Variants in FKTN observed in about 807,000 individuals in gnomAD.
FKTN encodes fukutin.
Under a neutral mutation model 58.6 loss-of-function variants are expected in FKTN, and 47 were observed. That is an observed-to-expected ratio of 0.80 (90% CI 0.63 to 1.02). FKTN has a LOEUF of 1.02. Ranked by LOEUF, FKTN falls within the 50% of genes least tolerant of loss-of-function variation. The pLI, the probability that FKTN is intolerant of heterozygous loss-of-function variation, is 0.00. For missense variants in FKTN, 516 were observed against 537.3 expected (o/e 0.96, Z 0.39); for synonymous variants, 178 against 191.9 (o/e 0.93, Z 0.60).
chr9:105,579,959 G>C (rs1022086421), intron 3 of FKTN, among the ~76,000 whole-genome samples: 3 of 151,590 alleles, frequency 2.0e-5, no homozygotes, highest in African/African-American at 4.9e-5. Context: ...TTGGTTTAAA[G>C]TCTGTTTTAT....
At chr9:105,609,851 G>T (rs118127770) in intron 7 of FKTN, among the ~76,000 whole-genome samples, 9 of 152,100 alleles carry the variant, frequency 5.9e-5, no homozygotes, top group African/African-American at 2.2e-4. Flanking sequence ...CTGAAACTTC[G>T]TATCTTTACC....
At position 105,595,477 on chromosome 9, in the gene FKTN, G is replaced by C. The variant is rs189933687; in HGVS notation, c.106-1121G>C. On this transcript the variant is annotated intron_variant, in intron 3 of 10. Coordinates refer to ENST00000357998, the MANE Select transcript of FKTN (RefSeq NM_001079802.2). The stretch of plus-strand genomic sequence containing the variant: ...AACAAGTAGCTGTATTACAATGTTT[G>C]CAGTCTCTTTTCAGGTTTCAAGATT... 6.6e-5 allele frequency among the ~76,000 whole-genome samples: 10 copies of C among 152,234 alleles called. No homozygotes were observed. The East Asian group carries it at 1.9e-3, about 29-fold the overall frequency.
chr9:105,572,084 A>G (rs1170384719), intron 1 of FKTN, among the ~76,000 whole-genome samples: 7 of 152,272 alleles, frequency 4.6e-5, no homozygotes, highest in Middle Eastern at 3.4e-3. Context: ...ACCATCATCA[A>G]TGTTGATTGA....
At chr9:105,584,867 C>T (rs763914251) in intron 3 of FKTN, among the ~76,000 whole-genome samples, 3 of 151,984 alleles carry the variant, frequency 2.0e-5, no homozygotes, top group South Asian at 2.1e-4. Flanking sequence ...CCGTTTGTAG[C>T]CCAGTAATTG....
At chr9:105,559,169 G>A (rs1837783840) in intron 1 of FKTN, among the ~76,000 whole-genome samples, 1 of 152,192 alleles carries the variant, frequency 6.6e-6, no homozygotes. Flanking sequence ...ATGCAATAGT[G>A]TACTGGGAAT....
At position 105,636,778 on chromosome 9, in the gene FKTN, G is replaced by C. The variant is rs1352805812; in HGVS notation, c.*1514G>C. On this transcript the variant is annotated 3_prime_UTR_variant, in exon 11 of 11. Coordinates refer to ENST00000357998, the MANE Select transcript of FKTN (RefSeq NM_001079802.2). ...GAGAACAATAGTAGTCTCAAGAATG[G>C]AAACCTGAATGTCTGAGGGAATGGG... The C allele has an allele frequency of 7.8e-7, 1 of 1,278,460 alleles. No individual in the cohort carries two copies. Among genetic ancestry groups the C allele is most frequent in the African/African-American group, 1.5e-5 (1 of 65,602 alleles). 79.2% of individuals were successfully genotyped at this position (1,278,460 alleles called of 1,614,324 possible).
intron 1 of FKTN, among the ~76,000 whole-genome samples, chr9:105,566,772 G>A (rs905038583): frequency 6.6e-6 from 1 of 152,126 alleles, no homozygotes; most frequent in Non-Finnish European, 1.5e-5. Flanking sequence ...AGAAAAAGAG[G>A]GAATCCTCCC....
chr9:105,585,487 G>A (rs1310325705), intron 3 of FKTN, among the ~76,000 whole-genome samples: 3 of 152,182 alleles, frequency 2.0e-5, no homozygotes, highest in Admixed American at 2.0e-4. Flanking sequence ...CTAATTAGAT[G>A]CTAAAGATAC....
chr9:105,601,644 G>A (rs1056944652), intron 5 of FKTN, among the ~76,000 whole-genome samples: 1 of 152,090 alleles, frequency 6.6e-6, no homozygotes, highest in African/African-American at 2.4e-5. Context: ...CATTATCACA[G>A]GATAGCTGTC....
chr9:105,595,093 T>A (rs768770525), intron 3 of FKTN, among the ~76,000 whole-genome samples: 2 of 152,178 alleles, frequency 1.3e-5, no homozygotes, highest in Non-Finnish European at 2.9e-5. Flanking sequence ...AGGCCACATA[T>A]ATGATTCCAT....
In FKTN at chr9:105,637,216, A is replaced by G; in HGVS notation, c.*1952A>G. 1.0e-6 allele frequency: 1 copy of G among 984,728 alleles called. No homozygotes were observed. 61.0% of individuals were successfully genotyped at this position (984,728 alleles called of 1,614,324 possible). On this transcript the variant is annotated 3_prime_UTR_variant, in exon 11 of 11. Transcript: ENST00000357998. The stretch of plus-strand genomic sequence containing the variant: ...GTATTTAGAAATGCATACACTCCAC[A>G]TTTCTCCCCATTTCCAATTGGGACT...
At chr9:105,600,356 T>G (rs969235536) in intron 4 of FKTN, among the ~76,000 whole-genome samples, 1 of 152,188 alleles carries the variant, frequency 6.6e-6, no homozygotes, top group East Asian at 1.9e-4. Context: ...ACCTTTTTGA[T>G]AGGCAAACAT....
intron 7 of FKTN, among the ~76,000 whole-genome samples, chr9:105,610,293 G>A (rs996203738): frequency 6.6e-6 from 1 of 151,996 alleles, no homozygotes; most frequent in African/African-American, 2.4e-5. Context: ...GCTGCAGAGA[G>A]TTTCTCTCAG....
intron 8 of FKTN, among the ~76,000 whole-genome samples, chr9:105,616,810 CCTAT>C (rs1564322743): frequency 6.6e-6 from 1 of 151,744 alleles, no homozygotes; most frequent in Admixed American, 6.6e-5. Flanking sequence ...ATACGGTTAT[CCTAT>C]CTATTAGCCT....
Position 105,637,151 on chromosome 9 carries a change from A to C in FKTN, c.*1887A>C. 1.0e-6 allele frequency: 1 copy of C among 986,022 alleles called. No homozygotes were observed. The highest frequency in any genetic ancestry group is 1.2e-6 in the Non-Finnish European group (1 of 829,820). 61.1% of individuals were successfully genotyped at this position (986,022 alleles called of 1,614,324 possible). A position where few individuals can be genotyped will look rare whatever the true frequency, so the allele number is the denominator to read the frequency against. On this transcript the variant is annotated 3_prime_UTR_variant, in exon 11 of 11. Coordinates refer to ENST00000357998, the MANE Select transcript of FKTN (RefSeq NM_001079802.2). ...CAAATAATAATACTATTTTTGGGCA[A>C]AATCCACCCTACTTGATGAGGACCA...
Position 105,607,841 on chromosome 9 carries a change from G to A in FKTN, c.670G>A (p.Val224Ile). 6.2e-7 allele frequency: 1 copy of A among 1,612,664 alleles called. No homozygotes were observed. The highest frequency in any genetic ancestry group is 8.5e-7 in the Non-Finnish European group (1 of 1,179,174). Residue 224 changes from valine to isoleucine, a missense_variant, in exon 7 of 11, where the codon GTT (valine) becomes ATT (isoleucine). By Grantham distance (29) the Val-to-Ile change is conservative. Coordinates refer to ENST00000357998, the MANE Select transcript of FKTN (RefSeq NM_001079802.2). ...CAGGCCAGAGTTACAGCAAGTTACT[G>A]TTGATGGACTGGAAGTTCTCATTCC... ...FDRPELQQVT[V>I]DGLEVLIPKD...
At chr9:105,601,031 G>A (rs144282581) in intron 4 of FKTN, 114 bp from the exon 5 acceptor site, 2 of 673,528 alleles carry the variant, frequency 3.0e-6, no homozygotes, top group Non-Finnish European at 5.3e-6. Context: ...GATAAGCATG[G>A]TATCTATTGG....
At chr9:105,610,553 C>G (rs776071799) in intron 7 of FKTN, among the ~76,000 whole-genome samples, 74 of 151,990 alleles carry the variant, frequency 4.9e-4, no homozygotes, top group Admixed American at 1.6e-3. Context: ...CTCCCTACCC[C>G]CTGTTCTTCT....
intron 10 of FKTN, among the ~76,000 whole-genome samples, chr9:105,623,825 A>C (rs1832362292): frequency 1.3e-5 from 2 of 152,224 alleles, no homozygotes; most frequent in Non-Finnish European, 2.9e-5. Context: ...TCTATAGTTG[A>C]AGTACCAAAT....
Sources: allele counts gnomAD v4.1 joint callset (sites outside exome capture counted in the v4.1 genomes callset), GRCh38; gene constraint gnomAD v4.1.1; transcripts MANE v1.5; gene names NCBI Gene and HGNC (gene_info 2026-07-23, HGNC 2026-07-21).